SCN1A: variants seen among roughly 807,000 people sequenced by gnomAD.
SCN1A encodes the protein sodium voltage-gated channel alpha subunit 1, also known as sodium channel protein type 1 subunit alpha.
A neutral mutation model predicts 193.7 loss-of-function variants in SCN1A; 13 were observed. That is an observed-to-expected ratio of 0.07 (90% confidence interval 0.04 to 0.11). The LOEUF (loss-of-function observed/expected upper bound fraction) is 0.11. SCN1A is among the 10% of genes least tolerant of loss of function. SCN1A has a pLI of 1.00. For synonymous variants in SCN1A, 781 were observed against 843.6 expected (o/e 0.93, Z 1.29); for missense variants, 1,432 against 2,451.1 (o/e 0.58, Z 8.78).
Position 166,073,667 on chromosome 2 carries a change from A to C in SCN1A, c.-46T>G. ...AATTACCATTTATTCTGCATATGAA[A>C]TTCCTAAAATAAAAGGAATACAGAT... On this transcript the variant is annotated 5_prime_UTR_variant, in exon 4 of 29. Coordinates refer to ENST00000674923, the MANE Select transcript of SCN1A (RefSeq NM_001165963.4). 3.7e-6 allele frequency: 6 copies of C among 1,600,728 alleles called. No homozygotes were observed. The highest frequency in any genetic ancestry group is 5.1e-6 in the Non-Finnish European group (6 of 1,170,178).
chr2:166,061,897 T>C, intron 4 of SCN1A, among the ~76,000 whole-genome samples: 1 of 144,056 alleles, frequency 6.9e-6, no homozygotes, highest in East Asian at 2.3e-4. Flanking sequence ...GATGAAAACA[T>C]TTACTGATTT....
chr2:166,052,824 C>A (rs964816876), intron 8 of SCN1A, 28 bp downstream of exon 8: 23 of 1,539,330 alleles, frequency 1.5e-5, no homozygotes, highest in Non-Finnish European at 2.0e-5. Flanking sequence ...CATGATGGGT[C>A]CGTCTCATTA....
chr2:166,064,459 A>G (rs79083461), intron 4 of SCN1A, among the ~76,000 whole-genome samples: 1,748 of 152,288 alleles, frequency 0.011, 35 homozygotes, highest in African/African-American at 0.04. Flanking sequence ...GTGGATTGAA[A>G]TCTTGCCCCT....
intron 20 of SCN1A, 21 bp downstream of exon 20, chr2:166,015,586 C>T (rs1209213691): frequency 3.1e-6 from 5 of 1,611,836 alleles, no homozygotes; most frequent in Non-Finnish European, 3.4e-6. Flanking sequence ...GAAAGATTAA[C>T]ATTAGGATTC....
chr2:166,035,109 T>C (rs1442318253), intron 19 of SCN1A, among the ~76,000 whole-genome samples: 1 of 152,194 alleles, frequency 6.6e-6, no homozygotes, highest in Non-Finnish European at 1.5e-5. Context: ...TTCTCTTCAA[T>C]GTACATGAGC....
intron 2 of SCN1A, among the ~76,000 whole-genome samples, chr2:166,124,342 A>G (rs1471979385): frequency 6.6e-6 from 1 of 151,900 alleles, no homozygotes; most frequent in Non-Finnish European, 1.5e-5. Context: ...TGAGGTCAGG[A>G]GATCGAGACT....
chr2:166,005,898 G>A (rs1038556843), intron 23 of SCN1A, among the ~76,000 whole-genome samples: 1 of 151,232 alleles, frequency 6.6e-6, no homozygotes, highest in Non-Finnish European at 1.5e-5. Context: ...CTGTACTAGA[G>A]GTTGTTTCTT....
In SCN1A at chr2:166,040,019, C is replaced by T. The variant is rs183399251; in HGVS notation, c.2416-423G>A. Reference sequence around the variant, plus strand: ...GGCTCACTGCAAGCTCCTGGGTTCACGCCATTCTCCTGCCTCAGCCTCCCG... The same window carrying T: ...GGCTCACTGCAAGCTCCTGGGTTCATGCCATTCTCCTGCCTCAGCCTCCCG... On this transcript the variant is annotated intron_variant, in intron 16 of 28. Transcript: ENST00000674923. Among the ~76,000 whole-genome samples the T allele has an allele frequency of 2.5e-4, 37 of 150,792 alleles. No homozygotes were observed. In the East Asian group the frequency reaches 5.9e-3, roughly 24 times the overall value.
chr2:166,144,572 A>T (rs191701598), intron 1 of SCN1A, among the ~76,000 whole-genome samples: 6,181 of 152,252 alleles, frequency 0.041, 698 homozygotes, highest in Admixed American at 0.24. Context: ...TAAGTCAGGT[A>T]AAATGCATTA....
chr2:166,040,080 G>A (rs935268101), intron 16 of SCN1A, among the ~76,000 whole-genome samples: 3 of 151,816 alleles, frequency 2.0e-5, no homozygotes, highest in Non-Finnish European at 2.9e-5. Context: ...CACCACGCCC[G>A]CCTAATTTTT....
Position 166,038,005 on chromosome 2 carries a change from A to G in SCN1A, c.2717T>C (p.Val906Ala). 1 of 1,614,248 alleles carries G rather than the reference A, an allele frequency of 6.2e-7. No individual in the cohort carries two copies. The highest frequency in any genetic ancestry group is 1.1e-5 in the South Asian group (1 of 91,088). Residue 906 changes from valine to alanine, a missense_variant, in exon 18 of 29, where the codon GTG becomes GCG. Physicochemically the swap from Val to Ala is moderately conservative, Grantham distance 64. Transcript: ENST00000674923. ...VLAIIVFIFAVVGMQLFGKSY... is the reference protein window; with the variant it reads ...VLAIIVFIFAAVGMQLFGKSY... ...TTTACCAAAGAGCTGCATGCCGACC[A>G]CGGCAAAAATGAAGACGATGATGGC...
intron 19 of SCN1A, among the ~76,000 whole-genome samples, chr2:166,027,575 T>A (rs1193186297): frequency 1.3e-5 from 2 of 151,308 alleles, no homozygotes; most frequent in Admixed American, 1.3e-4. Flanking sequence ...TATATATTTG[T>A]ATATGTATAT....
intron 4 of SCN1A, among the ~76,000 whole-genome samples, chr2:166,063,682 T>A (rs1683552861): frequency 6.6e-6 from 1 of 152,056 alleles, no homozygotes; most frequent in Admixed American, 6.6e-5. Context: ...GAGCTACAGT[T>A]ATGATTTTAA....
chr2:166,083,709 C>T (rs976487235), intron 2 of SCN1A, among the ~76,000 whole-genome samples: 7 of 151,930 alleles, frequency 4.6e-5, no homozygotes, highest in African/African-American at 1.7e-4. Flanking sequence ...AGAGTAAGAC[C>T]ATGGATAGTT....
intron 7 of SCN1A, among the ~76,000 whole-genome samples, chr2:166,053,424 A>G (rs78013197): frequency 0.027 from 4,113 of 152,094 alleles, 216 homozygotes; most frequent in African/African-American, 0.095. Flanking sequence ...GTTAGAAAAA[A>G]ATATATGAAA....
At chr2:166,033,617 C>G (rs993084429) in intron 19 of SCN1A, among the ~76,000 whole-genome samples, 32 of 152,160 alleles carry the variant, frequency 2.1e-4, no homozygotes, top group Middle Eastern at 3.4e-3. Flanking sequence ...ATTACCTTAA[C>G]ATTTAAAATT....
chr2:166,056,430 C>T lies in SCN1A; in HGVS notation c.454G>A (p.Asp152Asn). The change falls in exon 6 of 29, where the codon GAT becomes AAT. Residue 152 changes from aspartate (D) to asparagine (N), a missense_variant. Coordinates refer to ENST00000674923, the MANE Select transcript of SCN1A (RefSeq NM_001165963.4). ...ACTTACTCTACATTCTTTGTCCAATCAGGAGGGTTACTCATTGTCATAAAC... is the reference window on the plus strand; with the variant it reads ...ACTTACTCTACATTCTTTGTCCAATTAGGAGGGTTACTCATTGTCATAAAC... ...CVFMTMSNPPDWTKNVEYTFT... is the reference protein window; with the variant it reads ...CVFMTMSNPPNWTKNVEYTFT... 1 of 1,597,906 alleles carries T rather than the reference C, an allele frequency of 6.3e-7. No individual in the cohort carries two copies. Among genetic ancestry groups the T allele is most frequent in the Non-Finnish European group, 8.6e-7 (1 of 1,165,560 alleles).
intron 1 of SCN1A, chr2:166,137,542 GCTCT>G (rs1454766906): frequency 1.3e-5 from 2 of 152,622 alleles, no homozygotes; most frequent in African/African-American, 4.8e-5. Flanking sequence ...TGCTGACACA[GCTCT>G]CTTTTTGCCT....
intron 1 of SCN1A, among the ~76,000 whole-genome samples, chr2:166,134,198 A>T (rs1333512012): frequency 6.6e-6 from 1 of 152,182 alleles, no homozygotes; most frequent in Non-Finnish European, 1.5e-5. Context: ...AAACCAGGCA[A>T]GTGTTCTTAT....
Sources: allele counts gnomAD v4.1 joint callset (sites outside exome capture counted in the v4.1 genomes callset), GRCh38; gene constraint gnomAD v4.1.1; transcripts MANE v1.5; gene names NCBI Gene and HGNC (gene_info 2026-07-23, HGNC 2026-07-21).